LYSMD1: variants seen among roughly 807,000 people sequenced by gnomAD.
LYSMD1 encodes LysM domain containing 1, also known as lysM and putative peptidoglycan-binding domain-containing protein 1.
LYSMD1 carries 9 observed loss-of-function variants against 19.3 expected under a neutral mutation model. The observed-to-expected ratio is 0.47, with a 90% CI of 0.28 to 0.81. The LOEUF (loss-of-function observed/expected upper bound fraction) is 0.81. Among genes scored for constraint, LYSMD1 ranks in the 40% least tolerant of loss-of-function variants. The probability of loss-of-function intolerance (pLI) is 0.11; values close to 1 mark genes in which losing one functional copy is unlikely to be tolerated. For synonymous variants in LYSMD1, 111 were observed against 111.7 expected, an observed-to-expected ratio of 0.99 and a Z score of 0.04; for missense variants, 262 against 279.8, an observed-to-expected ratio of 0.94 and a Z score of 0.45.
chr1:151,160,780 G>A lies in LYSMD1; in HGVS notation c.*102C>T. The A allele has an allele frequency of 7.1e-7, 1 of 1,404,068 alleles. No individual in the cohort carries two copies. The highest frequency in any genetic ancestry group is 9.8e-7 in the Non-Finnish European group (1 of 1,025,622). The allele number at this position is 1,404,068 out of a possible 1,614,324, so 87.0% of individuals were successfully genotyped here. A position where few individuals can be genotyped will look rare whatever the true frequency, so the allele number is the denominator to read the frequency against. On this transcript the variant is annotated 3_prime_UTR_variant, in exon 3 of 3. Coordinates refer to ENST00000368908, the MANE Select transcript of LYSMD1 (RefSeq NM_212551.5). ...CTGGGGAGGATGGCTGGAGTGGAGG[G>A]AGGCAGGCTCATAAGCCATGTTCTT...
downstream of LYSMD1, among the ~76,000 whole-genome samples, chr1:151,157,920 G>A (rs979225102): frequency 4.6e-5 from 7 of 152,174 alleles, no homozygotes; most frequent in African/African-American, 1.7e-4. Flanking sequence ...GTTTGATCTT[G>A]GGTAAATTAC....
chr1:151,165,780 CA>C lies in LYSMD1; in HGVS notation c.-523del. 4 of 1,551,556 alleles carry C rather than the reference CA, an allele frequency of 2.6e-6. No individual in the cohort carries two copies. In the South Asian group the frequency reaches 4.8e-5, roughly 18 times the overall value. On this transcript the variant is annotated 5_prime_UTR_variant, in exon 1 of 3. It removes an upstream start codon present in the reference 5' UTR. Transcript: ENST00000368908. ...CAGAGATCCTCAAAGGTCCGCTCCG[CA>C]TAAGATAGGTCACACCCTCAAATTT... is the stretch of plus-strand genomic sequence containing the variant.
At chr1:151,157,102 C>T (rs587709630), downstream of LYSMD1, among the ~76,000 whole-genome samples, 69 of 152,066 alleles carry the variant, frequency 4.5e-4, no homozygotes, top group African/African-American at 1.6e-3. Flanking sequence ...GAGAAGACAG[C>T]GGAATAAATG....
At chr1:151,163,835 G>A (rs1683545629) in intron 1 of LYSMD1, among the ~76,000 whole-genome samples, 1 of 151,498 alleles carries the variant, frequency 6.6e-6, no homozygotes, top group African/African-American at 2.4e-5. Flanking sequence ...GCCCACCACA[G>A]CCCCTTTCCA....
chr1:151,148,675 T>C, the LYSMD1 span, among the ~76,000 whole-genome samples: 1 of 152,074 alleles, frequency 6.6e-6, no homozygotes, highest in Non-Finnish European at 1.5e-5. Context: ...AGGAAAACTT[T>C]GGTGGGAGTT....
intron 1 of LYSMD1, 124 bp downstream of exon 1, chr1:151,164,955 A>T: frequency 1.3e-6 from 1 of 782,876 alleles, no homozygotes; most frequent in African/African-American, 1.7e-5. Context: ...ACAAAGATAA[A>T]GGCAGAACAG....
At chr1:151,154,562 A>G in the LYSMD1 span, among the ~76,000 whole-genome samples, 4 of 152,048 alleles carry the variant, frequency 2.6e-5, no homozygotes, top group African/African-American at 9.7e-5. Flanking sequence ...AAAACAGGTA[A>G]AGACTAGGTA....
intron 1 of LYSMD1, among the ~76,000 whole-genome samples, chr1:151,163,878 T>TTGTGTGTGTGTG (rs57906452): frequency 1.7e-4 from 24 of 142,040 alleles, no homozygotes; most frequent in African/African-American, 6.2e-4. Flanking sequence ...TTTCCTATCT[T>TTGTGTGTGTGTG]TGTGTGTGTG....
downstream of LYSMD1, among the ~76,000 whole-genome samples, chr1:151,154,886 C>T (rs185318091): frequency 2.4e-4 from 36 of 152,160 alleles, no homozygotes; most frequent in East Asian, 1.5e-3. Context: ...CCTCGTGATC[C>T]GCCCACCTCG....
Position 151,165,668 on chromosome 1 carries a change from C to G in LYSMD1, c.-410G>C. 1 of 1,550,710 alleles carries G rather than the reference C, an allele frequency of 6.4e-7. No homozygotes were observed. The highest frequency in any genetic ancestry group is 1.2e-5 in the South Asian group (1 of 84,038). The stretch of plus-strand genomic sequence containing the variant: ...GGTCCCGGGGTTTGTTTGCTAGAGT[C>G]AGGAACAAATCAGGCCCACCCCAGG... On this transcript the variant is annotated 5_prime_UTR_variant, in exon 1 of 3. Transcript: ENST00000368908.
chr1:151,156,836 T>C (rs1400991785), downstream of LYSMD1: 3 of 152,282 alleles, frequency 2.0e-5, no homozygotes, highest in Admixed American at 6.5e-5. Context: ...TGTACAATTC[T>C]TGGGTCCTTT....
In LYSMD1 at chr1:151,165,830, C is replaced by T. The variant is rs187340803; in HGVS notation, c.-572G>A. The T allele has an allele frequency of 1.6e-5, 23 of 1,454,142 alleles. No individual in the cohort carries two copies. Among genetic ancestry groups the T allele is most frequent in the Non-Finnish European group, 2.0e-5 (21 of 1,058,302 alleles). The allele number at this position is 1,454,142 out of a possible 1,614,324, so 90.1% of individuals were successfully genotyped here. A position where few individuals can be genotyped will look rare whatever the true frequency, so the allele number is the denominator to read the frequency against. ...TTCGGCTCCACATCTAGGTTGTTGTCCCTCCAAACGCCTCAGATCCGCCAA... is the reference window on the plus strand; with the variant it reads ...TTCGGCTCCACATCTAGGTTGTTGTTCCTCCAAACGCCTCAGATCCGCCAA... On this transcript the variant is annotated 5_prime_UTR_variant, in exon 1 of 3. Transcript: ENST00000368908.
At chr1:151,150,736 CTTTT>C in the LYSMD1 span, among the ~76,000 whole-genome samples, 3 of 125,122 alleles carry the variant, frequency 2.4e-5, no homozygotes, top group Non-Finnish European at 3.2e-5. Flanking sequence ...CTTTTCTTTT[CTTTT>C]TTTTTTTTTT....
the LYSMD1 span, among the ~76,000 whole-genome samples, chr1:151,150,895 C>T: frequency 7.2e-5 from 11 of 151,746 alleles, no homozygotes; most frequent in East Asian, 2.0e-4. Context: ...CCCACCACCA[C>T]GCCCAGCTAA....
chr1:151,162,612 A>G (rs1683493368), intron 1 of LYSMD1, among the ~76,000 whole-genome samples: 1 of 152,206 alleles, frequency 6.6e-6, no homozygotes, highest in Non-Finnish European at 1.5e-5. Flanking sequence ...TACTATTAAC[A>G]ATGTCATTAA....
Position 151,165,224 on chromosome 1 carries a change from C to T in LYSMD1, c.35G>A (p.Gly12Glu), listed in dbSNP as rs367579478. 1.9e-6 allele frequency: 3 copies of T among 1,614,098 alleles called. No individual in the cohort carries two copies. Among genetic ancestry groups the T allele is most frequent in the East Asian group, 2.2e-5 (1 of 44,878 alleles). ...CCGGCTCCCTTGAAGCAGTCCTGAC[C>T]CCCCTGGCGGGGGCTGTCTAGACGG... ...ASPSRQPPPG[G>E]SGLLQGSRAR... The change falls in exon 1 of 3, where the codon GGG becomes GAG. Residue 12 changes from glycine (G) to glutamate (E), a missense_variant. Transcript: ENST00000368908.
At position 151,161,840 on chromosome 1, in the gene LYSMD1, C is replaced by T. The variant is rs1558201114; in HGVS notation, c.441G>A (p.Thr147=). The T allele has an allele frequency of 1.9e-6, 3 of 1,613,778 alleles. No homozygotes were observed. The highest frequency in any genetic ancestry group is 1.1e-5 in the South Asian group (1 of 91,056). Residue 147 remains threonine, a synonymous_variant, in exon 2 of 3, where the codon ACG becomes ACA. Coordinates refer to ENST00000368908, the MANE Select transcript of LYSMD1 (RefSeq NM_212551.5). The part of the protein sequence containing the change: ...VLPTPGQETP[T]PIHDLSASDF... Reference sequence around the variant, plus strand: ...CAGAGGCAGAGAGGTCATGGATGGGCGTGGGGGTTTCCTGGCCAGGTGTGG... The same window carrying T: ...CAGAGGCAGAGAGGTCATGGATGGGTGTGGGGGTTTCCTGGCCAGGTGTGG...
chr1:151,165,790 G>A lies in LYSMD1; in HGVS notation c.-532C>T. Reference sequence around the variant, plus strand: ...CAAAGGTCCGCTCCGCATAAGATAGGTCACACCCTCAAATTTCGGCTCCAC... The same window carrying A: ...CAAAGGTCCGCTCCGCATAAGATAGATCACACCCTCAAATTTCGGCTCCAC... On this transcript the variant is annotated 5_prime_UTR_variant, in exon 1 of 3. Coordinates refer to ENST00000368908, the MANE Select transcript of LYSMD1 (RefSeq NM_212551.5). 1 of 1,550,798 alleles carries A rather than the reference G, an allele frequency of 6.4e-7. No homozygotes were observed. Among genetic ancestry groups the A allele is most frequent in the Non-Finnish European group, 8.7e-7 (1 of 1,146,176 alleles).
Position 151,165,255 on chromosome 1 carries a change from C to T in LYSMD1, c.4G>A (p.Ala2Thr). The T allele has an allele frequency of 6.2e-7, 1 of 1,611,730 alleles. No homozygotes were observed. Among genetic ancestry groups the T allele is most frequent in the Non-Finnish European group, 8.5e-7 (1 of 1,178,698 alleles). The change falls in exon 1 of 3, where the codon GCT becomes ACT. Residue 2 changes from alanine (A) to threonine (T), a missense_variant. Physicochemically the swap from Ala to Thr is moderately conservative, Grantham distance 58 (BLOSUM62 0). Coordinates refer to ENST00000368908, the MANE Select transcript of LYSMD1 (RefSeq NM_212551.5). M[A>T]SPSRQPPPGG... ...GGCGGGGGCTGTCTAGACGGGGAAGCCATCTCTTCACCCTGCCAACAGCTA... is the reference window on the plus strand; with the variant it reads ...GGCGGGGGCTGTCTAGACGGGGAAGTCATCTCTTCACCCTGCCAACAGCTA...
Sources: allele counts gnomAD v4.1 joint callset (sites outside exome capture counted in the v4.1 genomes callset), GRCh38; gene constraint gnomAD v4.1.1; transcripts MANE v1.5; gene names NCBI Gene and HGNC (gene_info 2026-07-23, HGNC 2026-07-21).